XIRP2: variants seen among roughly 807,000 people sequenced by gnomAD.
The protein encoded by XIRP2 is xin actin-binding repeat-containing protein 2.
Under a neutral mutation model 277.0 loss-of-function variants are expected in XIRP2, and 236 were observed. The ratio of observed to expected loss-of-function variants is 0.85; its 90% CI spans 0.77 to 0.95. The LOEUF is 0.95. Ranked by LOEUF, XIRP2 falls within the 40% of genes least tolerant of loss-of-function variation. The pLI is 0.00. For missense variants in XIRP2, 4,640 were observed against 4,157.5 expected, an observed-to-expected ratio of 1.12 and a Z score of -3.19; for synonymous variants, 1,490 against 1,416.5, an observed-to-expected ratio of 1.05 and a Z score of -1.17.
At chr2:166,931,753 A>T (rs1398196825) in intron 2 of XIRP2, among the ~76,000 whole-genome samples, 1 of 152,082 alleles carries the variant, frequency 6.6e-6, no homozygotes, top group Non-Finnish European at 1.5e-5. Flanking sequence ...TTTACACATG[A>T]ACTTTTGTGG....
rs1695238558 is a variant in XIRP2, at chr2:167,245,820, A to G, written c.4428A>G (p.Thr1476=). The stretch of plus-strand genomic sequence containing the variant: ...GGTTAGAATATGAAAATATCAAGAC[A>G]GTCACTCAGGAAGATGTGCAGAAAG... ...GEGLEYENIK[T]VTQEDVQKGD... Residue 1476 remains threonine, a synonymous_variant, in exon 9 of 11, where the codon ACA becomes ACG. Coordinates refer to ENST00000409195, the MANE Select transcript of XIRP2 (RefSeq NM_152381.6). The G allele has an allele frequency of 6.2e-7, 1 of 1,613,674 alleles. No individual in the cohort carries two copies. The highest frequency in any genetic ancestry group is 8.5e-7 in the Non-Finnish European group (1 of 1,179,766).
chr2:167,211,428 A>G (rs960118456), intron 4 of XIRP2, among the ~76,000 whole-genome samples: 2 of 152,144 alleles, frequency 1.3e-5, no homozygotes, highest in African/African-American at 4.8e-5. Flanking sequence ...TCTGAGCTTC[A>G]GTTTCCTTGA....
intron 4 of XIRP2, among the ~76,000 whole-genome samples, chr2:167,212,974 TCCA>T (rs1265547893): frequency 1.5e-5 from 2 of 131,032 alleles, no homozygotes; most frequent in Non-Finnish European, 3.1e-5. Context: ...AATCTGTATC[TCCA>T]CAATTAACCC....
intron 2 of XIRP2, among the ~76,000 whole-genome samples, chr2:167,095,331 C>A (rs781598144): frequency 1.1e-4 from 17 of 152,106 alleles, no homozygotes; most frequent in Non-Finnish European, 2.4e-4. Flanking sequence ...ATTGCCCTGG[C>A]CATAACTTCC....
intron 2 of XIRP2, among the ~76,000 whole-genome samples, chr2:166,953,800 C>A (rs1417406500): frequency 1.3e-5 from 2 of 151,872 alleles, no homozygotes; most frequent in Non-Finnish European, 2.9e-5. Flanking sequence ...TATTTAGTCT[C>A]TCTAACATCT....
chr2:166,958,347 G>A (rs916549556), intron 2 of XIRP2, among the ~76,000 whole-genome samples: 2 of 151,798 alleles, frequency 1.3e-5, no homozygotes, highest in African/African-American at 4.8e-5. Flanking sequence ...GAGAAGCTGA[G>A]GGCAGCTTTT....
intron 2 of XIRP2, among the ~76,000 whole-genome samples, chr2:166,965,877 TGC>T (rs1277686104): frequency 6.6e-6 from 1 of 151,872 alleles, no homozygotes; most frequent in Non-Finnish European, 1.5e-5. Context: ...TGAGACACCA[TGC>T]CTGGCCTCTA....
intron 2 of XIRP2, among the ~76,000 whole-genome samples, chr2:167,017,543 T>C (rs971056309): frequency 2.0e-5 from 3 of 151,976 alleles, no homozygotes; most frequent in African/African-American, 7.2e-5. Context: ...TGTAGTTCAA[T>C]GGGAAACTTG....
At chr2:166,932,551 G>T (rs1232356612) in intron 2 of XIRP2, among the ~76,000 whole-genome samples, 11 of 152,020 alleles carry the variant, frequency 7.2e-5, no homozygotes, top group Admixed American at 6.6e-4. Context: ...CTCATCAGAA[G>T]TGTTTTGTTT....
intron 3 of XIRP2, among the ~76,000 whole-genome samples, chr2:167,188,682 A>AT (rs1290780283): frequency 1.3e-5 from 2 of 152,166 alleles, no homozygotes; most frequent in African/African-American, 4.8e-5. Flanking sequence ...ATCTTTGAGT[A>AT]TTTTTTCTTC....
At chr2:167,079,108 T>G (rs1051657477) in intron 2 of XIRP2, among the ~76,000 whole-genome samples, 2 of 152,208 alleles carry the variant, frequency 1.3e-5, no homozygotes, top group African/African-American at 4.8e-5. Context: ...CCACATCTAT[T>G]GAGATAAACG....
At chr2:167,223,482 T>A (rs1203591814) in intron 5 of XIRP2, among the ~76,000 whole-genome samples, 3 of 152,198 alleles carry the variant, frequency 2.0e-5, no homozygotes, top group Non-Finnish European at 4.4e-5. Flanking sequence ...TTTGGAACAA[T>A]CTCTAGACAA....
At chr2:167,021,798 C>G (rs554254370) in intron 2 of XIRP2, among the ~76,000 whole-genome samples, 12 of 152,126 alleles carry the variant, frequency 7.9e-5, no homozygotes, top group African/African-American at 2.9e-4. Context: ...GTACTCCAGC[C>G]TGGGTGACAG....
In XIRP2 at chr2:167,247,406, G is replaced by T. The variant is rs764132768; in HGVS notation, c.6014G>T (p.Cys2005Phe). The change falls in exon 9 of 11, where the codon TGC (cysteine) becomes TTC (phenylalanine). Residue 2005 changes from cysteine (C) to phenylalanine (F), a missense_variant. Transcript: ENST00000409195. ...DTLSQTMGKS[C>F]HGNLVEERTE... Reference sequence around the variant, plus strand: ...CTCAGTCAAACTATGGGGAAATCTTGCCATGGCAATTTAGTAGAAGAAAGA... The same window carrying T: ...CTCAGTCAAACTATGGGGAAATCTTTCCATGGCAATTTAGTAGAAGAAAGA... The T allele has an allele frequency of 3.7e-6, 6 of 1,613,676 alleles. No homozygotes were observed. Among genetic ancestry groups the T allele is most frequent in the Admixed American group, 1.7e-5 (1 of 59,978 alleles).
chr2:167,209,330 A>G (rs551645446), intron 3 of XIRP2, among the ~76,000 whole-genome samples: 5 of 152,306 alleles, frequency 3.3e-5, no homozygotes, highest in Admixed American at 1.3e-4. Flanking sequence ...ATTGTTCTCA[A>G]CTGCTGTTGT....
chr2:167,175,232 T>G (rs2105352088), intron 3 of XIRP2, among the ~76,000 whole-genome samples: 1 of 152,312 alleles, frequency 6.6e-6, no homozygotes, highest in Non-Finnish European at 1.5e-5. Context: ...TAGAACTTAC[T>G]TTATGAATCT....
At chr2:167,044,320 T>C (rs1444077286) in intron 2 of XIRP2, among the ~76,000 whole-genome samples, 1 of 152,068 alleles carries the variant, frequency 6.6e-6, no homozygotes, top group Non-Finnish European at 1.5e-5. Context: ...AACATCCTAC[T>C]GAATGGGTAA....
rs1243947286 is a variant in XIRP2 at position 167,248,589 on chromosome 2, A to G, written c.7197A>G (p.Lys2399=). ...ACTTCATGCAACAATATTCCCAAAA[A>G]GAAGCCTCGAACTCTCAGAATTCTC... ...SGDFMQQYSQ[K]EASNSQNSQA... The change falls in exon 9 of 11, where the codon AAA becomes AAG. Residue 2399 remains lysine (K), a synonymous_variant. Transcript: ENST00000409195. 1.2e-6 allele frequency: 2 copies of G among 1,613,834 alleles called. No homozygotes were observed. Among genetic ancestry groups the G allele is most frequent in the African/African-American group, 2.7e-5 (2 of 75,004 alleles).
intron 5 of XIRP2, among the ~76,000 whole-genome samples, chr2:167,231,451 T>G (rs1239964576): frequency 6.6e-6 from 1 of 152,036 alleles, no homozygotes; most frequent in Non-Finnish European, 1.5e-5. Context: ...TCTACTATGT[T>G]ATGTATTGTC....
Sources: allele counts gnomAD v4.1 joint callset (sites outside exome capture counted in the v4.1 genomes callset), GRCh38; gene constraint gnomAD v4.1.1; transcripts MANE v1.5; gene names NCBI Gene and HGNC (gene_info 2026-07-23, HGNC 2026-07-21).